Variants in SVEP1 observed in about 807,000 individuals in gnomAD.
SVEP1 encodes the protein sushi, von Willebrand factor type A, EGF and pentraxin domain containing 1.
SVEP1 carries 164 observed loss-of-function variants against 367.3 expected under a neutral mutation model. The observed-to-expected ratio is 0.45, with a 90% CI of 0.39 to 0.51. SVEP1 has a LOEUF of 0.51. Among genes scored for constraint, SVEP1 ranks in the 20% least tolerant of loss-of-function variants. SVEP1 has a pLI of 0.00. For missense variants in SVEP1, 4,117 were observed against 4,425.3 expected (o/e 0.93, Z 1.98); for synonymous variants, 1,666 against 1,611.6 (o/e 1.03, Z -0.81).
chr9:110,390,863 C>A (rs751522544), intron 40 of SVEP1, among the ~76,000 whole-genome samples: 1 of 152,094 alleles, frequency 6.6e-6, no homozygotes, highest in African/African-American at 2.4e-5. Flanking sequence ...GTAGAAAGAA[C>A]AGTATAAGAA....
intron 3 of SVEP1, among the ~76,000 whole-genome samples, chr9:110,518,740 C>T (rs188465464): frequency 1.4e-4 from 22 of 152,238 alleles, no homozygotes; most frequent in African/African-American, 5.1e-4. Flanking sequence ...AAATCTTCTA[C>T]GTTACTTTTA....
chr9:110,367,491 A>G (rs1236492788), intron 47 of SVEP1, among the ~76,000 whole-genome samples: 7 of 152,182 alleles, frequency 4.6e-5, no homozygotes, highest in Non-Finnish European at 7.3e-5. Flanking sequence ...TAAGGCATTC[A>G]GTCTCGTAGG....
At chr9:110,500,656 CTTTAT>C (rs370638109) in intron 6 of SVEP1, among the ~76,000 whole-genome samples, 6 of 152,040 alleles carry the variant, frequency 3.9e-5, no homozygotes, top group African/African-American at 1.2e-4. Context: ...ATACAGGAAA[CTTTAT>C]TTTGTTTTGT....
chr9:110,440,471 C>G (rs887175229), intron 27 of SVEP1, among the ~76,000 whole-genome samples: 1 of 152,156 alleles, frequency 6.6e-6, no homozygotes, highest in Non-Finnish European at 1.5e-5. Context: ...ATACCAGGCA[C>G]TGGACTTAGA....
Position 110,432,048 on chromosome 9 carries a change from A to G in SVEP1, c.5234-14T>C. The G allele has an allele frequency of 1.3e-6, 2 of 1,585,526 alleles. No individual in the cohort carries two copies. Among genetic ancestry groups the G allele is most frequent in the Admixed American group, 1.9e-5 (1 of 52,622 alleles). On this transcript the variant is annotated splice_polypyrimidine_tract_variant and intron_variant, in intron 31 of 47. Coordinates refer to ENST00000374469, the MANE Select transcript of SVEP1 (RefSeq NM_153366.4). ...ACTCATCGACATCTAAAATGAAGAC[A>G]GCTTATAAATATTAAAGTTGATTCC... is the stretch of plus-strand genomic sequence containing the variant.
chr9:110,521,018 C>T (rs1342269368), intron 3 of SVEP1, among the ~76,000 whole-genome samples: 3 of 152,098 alleles, frequency 2.0e-5, no homozygotes, highest in Non-Finnish European at 2.9e-5. Context: ...ATTCTCTTTT[C>T]GACTTTATGG....
chr9:110,578,699 C>A lies in SVEP1; in HGVS notation c.531+314G>T, dbSNP rs554593151. ...CTTTGTAAACCATGCTCACCTGTTTCAGCTTGGATACCGTCTGCTCCTACA... is the reference window on the plus strand; with the variant it reads ...CTTTGTAAACCATGCTCACCTGTTTAAGCTTGGATACCGTCTGCTCCTACA... On this transcript the variant is annotated intron_variant, in intron 1 of 47. Coordinates refer to ENST00000374469, the MANE Select transcript of SVEP1 (RefSeq NM_153366.4). Among the ~76,000 whole-genome samples the A allele has an allele frequency of 9.8e-5, 15 of 152,318 alleles. No individual in the cohort carries two copies. In the South Asian group the frequency reaches 2.9e-3, roughly 29 times the overall value.
At chr9:110,431,112 G>A (rs750697485) in intron 32 of SVEP1, among the ~76,000 whole-genome samples, 13 of 152,188 alleles carry the variant, frequency 8.5e-5, no homozygotes, top group Non-Finnish European at 1.6e-4. Flanking sequence ...GCAATTATGA[G>A]CTGATTTTGA....
intron 29 of SVEP1, 131 bp downstream of exon 29, chr9:110,435,110 A>T: frequency 1.0e-6 from 1 of 970,990 alleles, no homozygotes; most frequent in Non-Finnish European, 1.4e-6. Flanking sequence ...AATATGAATT[A>T]CTAGTTACAA....
At chr9:110,564,435 G>A (rs1339284884) in intron 1 of SVEP1, among the ~76,000 whole-genome samples, 1 of 152,142 alleles carries the variant, frequency 6.6e-6, no homozygotes, top group Non-Finnish European at 1.5e-5. Context: ...TTAGGCTTCA[G>A]CAACAAGCCA....
chr9:110,484,464 T>C (rs1281639371), intron 9 of SVEP1, among the ~76,000 whole-genome samples: 2 of 152,112 alleles, frequency 1.3e-5, no homozygotes, highest in Non-Finnish European at 2.9e-5. Flanking sequence ...GTGGAGTTTT[T>C]AGGATGTCAG....
intron 37 of SVEP1, 36 bp downstream of exon 37, chr9:110,411,027 C>A (rs1442451802): frequency 6.6e-7 from 1 of 1,508,018 alleles, no homozygotes; most frequent in Non-Finnish European, 8.9e-7. Context: ...GGCCCTGTGA[C>A]AAAAGCCACA....
chr9:110,488,475 G>A (rs1295163879), intron 9 of SVEP1, among the ~76,000 whole-genome samples: 1 of 151,918 alleles, frequency 6.6e-6, no homozygotes, highest in Admixed American at 6.6e-5. Flanking sequence ...AGAAGGTTAG[G>A]TAAAAATAAT....
chr9:110,430,130 G>GTT, intron 33 of SVEP1, 126 bp from the exon 34 acceptor site: 2 of 1,094,284 alleles, frequency 1.8e-6, no homozygotes, highest in Non-Finnish European at 2.6e-6. Context: ...TTTGGTGTGT[G>GTT]TGTGTGGGGT....
chr9:110,571,984 C>T (rs1001541365), intron 1 of SVEP1, among the ~76,000 whole-genome samples: 8 of 152,154 alleles, frequency 5.3e-5, no homozygotes, highest in South Asian at 2.1e-4. Flanking sequence ...TTACAGCCAT[C>T]GTTTACATTC....
At chr9:110,502,103 ATTTTTT>A (rs35353042) in intron 6 of SVEP1, among the ~76,000 whole-genome samples, 1 of 135,818 alleles carries the variant, frequency 7.4e-6, no homozygotes, top group East Asian at 2.1e-4. Flanking sequence ...AGTTCTTAGA[ATTTTTT>A]TTTTTTTTTT....
rs775969127 is a variant in SVEP1 at position 110,579,496 on chromosome 9, C to G, written c.48G>C (p.Ser16=). The change falls in exon 1 of 48, where the codon TCG becomes TCC. Residue 16 remains serine, a synonymous_variant. Coordinates refer to ENST00000374469, the MANE Select transcript of SVEP1 (RefSeq NM_153366.4). The surrounding 1 kb of genome is among the most constrained non-coding windows in gnomAD (Gnocchi z 5.3). ...ACATCTGCTGAAAGGTCGCCCAGCC[C>G]GAAACGAGCGCCAGACCCCAGCAAC... The part of the protein sequence containing the change: ...AFCCWGLALV[S]GWATFQQMSP... 15 of 1,605,216 alleles carry G rather than the reference C, an allele frequency of 9.3e-6. No homozygotes were observed. Among genetic ancestry groups the G allele is most frequent in the Non-Finnish European group, 1.3e-5 (15 of 1,177,038 alleles).
chr9:110,567,608 G>A (rs374801927), intron 1 of SVEP1, among the ~76,000 whole-genome samples: 1 of 152,318 alleles, frequency 6.6e-6, no homozygotes, highest in South Asian at 2.1e-4. Context: ...CCCACTTCCA[G>A]TACTGCACCT....
Position 110,579,573 on chromosome 9 carries a change from G to T in SVEP1, c.-30C>A, listed in dbSNP as rs535511478. ...CTGGAGACAGAGCGGCTGCCCCGGA[G>T]CGCAGGCGGCGGCTCGGGCGGGAAG... On this transcript the variant is annotated 5_prime_UTR_variant, in exon 1 of 48. Coordinates refer to ENST00000374469, the MANE Select transcript of SVEP1 (RefSeq NM_153366.4). This position sits in a 1 kb window ranked among gnomAD's most constrained non-coding sequence, Gnocchi z 5.3. 4 of 1,534,332 alleles carry T rather than the reference G, an allele frequency of 2.6e-6. No homozygotes were observed. In the African/African-American group the frequency reaches 5.8e-5, roughly 22 times the overall value.
Sources: allele counts gnomAD v4.1 joint callset (sites outside exome capture counted in the v4.1 genomes callset), GRCh38; gene constraint gnomAD v4.1.1; non-coding constraint Gnocchi (gnomAD v3.1); transcripts MANE v1.5; gene names NCBI Gene and HGNC (gene_info 2026-07-23, HGNC 2026-07-21).